CRACD: variants seen among roughly 807,000 people sequenced by gnomAD.
CRACD encodes capping protein-inhibiting regulator of actin dynamics.
A neutral mutation model predicts 106.8 loss-of-function variants in CRACD; 56 were observed. The ratio of observed to expected loss-of-function variants is 0.52; its 90% CI spans 0.42 to 0.66. The LOEUF (loss-of-function observed/expected upper bound fraction) is 0.66, where lower values mean the gene tolerates loss of function less well. CRACD is among the 30% of genes least tolerant of loss of function. The probability of loss-of-function intolerance (pLI) is 0.00; values close to 1 mark genes in which losing one functional copy is unlikely to be tolerated. For missense variants in CRACD, 1,730 were observed against 1,623.2 expected (o/e 1.07, Z -1.13); for synonymous variants, 754 against 670.8 (o/e 1.12, Z -1.92).
At chr4:56,188,715 G>C (rs80027875) in intron 2 of CRACD, among the ~76,000 whole-genome samples, 27,755 of 131,710 alleles carry the variant, frequency 0.21, 3,229 homozygotes, top group Non-Finnish European at 0.29. Flanking sequence ...CACACACAGA[G>C]AGAGAGAGAG....
At chr4:56,232,224 T>A (rs975450879) in intron 2 of CRACD, among the ~76,000 whole-genome samples, 1 of 152,208 alleles carries the variant, frequency 6.6e-6, no homozygotes, top group Non-Finnish European at 1.5e-5. Flanking sequence ...ATACAGTGTA[T>A]TCTCTTTTTT....
intron 1 of CRACD, among the ~76,000 whole-genome samples, chr4:56,177,883 A>G (rs1736653831): frequency 6.6e-6 from 1 of 151,750 alleles, no homozygotes; most frequent in African/African-American, 2.4e-5. Context: ...GATTTTATTT[A>G]TTTGAGTCTT....
chr4:56,105,477 C>CA (rs1346299711), intron 1 of CRACD, among the ~76,000 whole-genome samples: 2 of 152,106 alleles, frequency 1.3e-5, no homozygotes, highest in African/African-American at 4.8e-5. Context: ...CCAGCATGGG[C>CA]AACAGAATGA....
At chr4:56,121,162 T>C (rs1382632) in intron 1 of CRACD, among the ~76,000 whole-genome samples, 80,447 of 151,524 alleles carry the variant, frequency 0.53, 22,045 homozygotes, top group African/African-American at 0.68. Context: ...TGTCTTGATA[T>C]TTTAGTTTTA....
chr4:56,102,701 G>A (rs1324053387), intron 1 of CRACD, among the ~76,000 whole-genome samples: 2 of 152,254 alleles, frequency 1.3e-5, no homozygotes, highest in East Asian at 1.9e-4. Context: ...TGGGTTTCCC[G>A]TTGCCTGTAA....
At chr4:56,166,188 T>C (rs1386601358) in intron 1 of CRACD, among the ~76,000 whole-genome samples, 5 of 152,182 alleles carry the variant, frequency 3.3e-5, no homozygotes, top group Admixed American at 3.3e-4. Context: ...TGGAAGGCAG[T>C]TTGCATTCTG....
chr4:56,120,470 T>G (rs944157254), intron 1 of CRACD, among the ~76,000 whole-genome samples: 2 of 152,234 alleles, frequency 1.3e-5, no homozygotes, highest in African/African-American at 4.8e-5. Context: ...TTTAATTTTC[T>G]AAGAAATTAC....
chr4:56,311,781 A>G (rs997487463), intron 6 of CRACD, among the ~76,000 whole-genome samples: 1 of 151,968 alleles, frequency 6.6e-6, no homozygotes, highest in African/African-American at 2.4e-5. Flanking sequence ...AAACAAATAA[A>G]CCCTGGCCAC....
At chr4:56,237,398 A>G (rs1740041231) in intron 2 of CRACD, among the ~76,000 whole-genome samples, 1 of 152,180 alleles carries the variant, frequency 6.6e-6, no homozygotes, top group Admixed American at 6.5e-5. Context: ...GATTAAATCC[A>G]CTTGTATGCA....
intron 1 of CRACD, among the ~76,000 whole-genome samples, chr4:56,050,572 T>C (rs1404061835): frequency 6.6e-6 from 1 of 152,054 alleles, no homozygotes. Flanking sequence ...TTTTAAAAAG[T>C]CAACAAAGAG....
At chr4:56,182,192 G>A (rs1403014276) in intron 2 of CRACD, among the ~76,000 whole-genome samples, 5 of 151,926 alleles carry the variant, frequency 3.3e-5, no homozygotes, top group African/African-American at 1.2e-4. Context: ...ACCAGCCTGG[G>A]CAACGTGGCA....
At chr4:56,111,544 A>T (rs1210765763) in intron 1 of CRACD, among the ~76,000 whole-genome samples, 1 of 152,194 alleles carries the variant, frequency 6.6e-6, no homozygotes, top group African/African-American at 2.4e-5. Flanking sequence ...TTTAAAAACT[A>T]TATGTATATA....
intron 1 of CRACD, among the ~76,000 whole-genome samples, chr4:56,143,875 G>C (rs898671220): frequency 2.6e-5 from 4 of 152,156 alleles, no homozygotes; most frequent in Non-Finnish European, 5.9e-5. Flanking sequence ...TGCTCTCTTG[G>C]AGTGTGTAGT....
At chr4:56,270,710 T>C (rs1396290204) in intron 2 of CRACD, among the ~76,000 whole-genome samples, 1 of 152,140 alleles carries the variant, frequency 6.6e-6, no homozygotes, top group Non-Finnish European at 1.5e-5. Context: ...ATAGTGTCAA[T>C]GTAATAGGAT....
At chr4:56,096,885 G>T (rs1422941192) in intron 1 of CRACD, among the ~76,000 whole-genome samples, 1 of 152,148 alleles carries the variant, frequency 6.6e-6, no homozygotes, top group Non-Finnish European at 1.5e-5. Context: ...ACAGAGAAGT[G>T]GAATAGAAGC....
At position 56,314,669 on chromosome 4, in the gene CRACD, T is replaced by A. The variant is rs1745430832; in HGVS notation, c.1167T>A (p.Thr389=). 6.5e-7 allele frequency: 1 copy of A among 1,540,340 alleles called. No homozygotes were observed. Among genetic ancestry groups the A allele is most frequent in the Non-Finnish European group, 8.7e-7 (1 of 1,143,220 alleles). Residue 389 remains threonine (T), a synonymous_variant, in exon 8 of 11, where the codon ACT becomes ACA. Transcript: ENST00000682029. This position sits in a 1 kb window ranked among gnomAD's most constrained non-coding sequence, Gnocchi z 4.4. ...VQGPPEALEE[T]GEGRRGAEEE... ...GGCCGCCCGAGGCGTTGGAGGAGAC[T>A]GGGGAGGGCCGGCGGGGCGCGGAGG...
chr4:56,098,791 A>G (rs560744676), intron 1 of CRACD, among the ~76,000 whole-genome samples: 1 of 152,260 alleles, frequency 6.6e-6, no homozygotes, highest in Non-Finnish European at 1.5e-5. Flanking sequence ...TCCCGGGTTC[A>G]AGCAATTCTC....
intron 1 of CRACD, among the ~76,000 whole-genome samples, chr4:56,070,503 A>G (rs1732607865): frequency 6.6e-6 from 1 of 151,858 alleles, no homozygotes. Flanking sequence ...GTTTCACCGT[A>G]GTCTCAATCT....
chr4:56,065,739 T>C (rs1732446976), intron 1 of CRACD, among the ~76,000 whole-genome samples: 1 of 152,220 alleles, frequency 6.6e-6, no homozygotes, highest in African/African-American at 2.4e-5. Context: ...TCAGTGGGAT[T>C]AAGTATGTTC....
Sources: allele counts gnomAD v4.1 joint callset (sites outside exome capture counted in the v4.1 genomes callset), GRCh38; gene constraint gnomAD v4.1.1; non-coding constraint Gnocchi (gnomAD v3.1); transcripts MANE v1.5; gene names NCBI Gene and HGNC (gene_info 2026-07-23, HGNC 2026-07-21).